The following ADAMTSL1 variants were observed in gnomAD, a reference collection of about 807,000 sequenced individuals.
The protein encoded by ADAMTSL1 is ADAMTS-like protein 1.
A neutral mutation model predicts 201.8 loss-of-function variants in ADAMTSL1; 126 were observed. That is an observed-to-expected ratio of 0.62 (90% CI 0.54 to 0.72). ADAMTSL1 has a LOEUF of 0.72. ADAMTSL1 is among the 30% of genes least tolerant of loss of function. The pLI, the probability that ADAMTSL1 is intolerant of heterozygous loss-of-function variation, is 0.00. For missense variants in ADAMTSL1, 2,679 were observed against 2,277.8 expected, an observed-to-expected ratio of 1.18 and a Z score of -3.59; for synonymous variants, 1,121 against 903.4, an observed-to-expected ratio of 1.24 and a Z score of -4.32.
chr9:17,940,816 A>C (rs1401687565), intron 1 of ADAMTSL1, among the ~76,000 whole-genome samples: 3 of 96,320 alleles, frequency 3.1e-5, no homozygotes, highest in Non-Finnish European at 6.9e-5. Context: ...CCCCCCCAAA[A>C]AAAAGAAAGA....
chr9:18,087,561 T>C (rs781245895), intron 1 of ADAMTSL1, among the ~76,000 whole-genome samples: 15 of 152,276 alleles, frequency 9.9e-5, no homozygotes, highest in Non-Finnish European at 2.1e-4. Context: ...CATGTGACTA[T>C]GTAATTTTGG....
At chr9:18,185,625 G>A (rs911445995) in intron 2 of ADAMTSL1, among the ~76,000 whole-genome samples, 6 of 152,084 alleles carry the variant, frequency 3.9e-5, no homozygotes, top group African/African-American at 7.2e-5. Context: ...TGATAGCAAC[G>A]AGAGAAGAGA....
intron 2 of ADAMTSL1, among the ~76,000 whole-genome samples, chr9:18,285,572 T>C (rs1025142617): frequency 6.6e-6 from 1 of 152,138 alleles, no homozygotes; most frequent in South Asian, 2.1e-4. Context: ...TATAACCTAC[T>C]TTCATTTCAA....
At chr9:18,376,530 G>A (rs1587008630) in intron 2 of ADAMTSL1, among the ~76,000 whole-genome samples, 1 of 152,054 alleles carries the variant, frequency 6.6e-6, no homozygotes, top group Non-Finnish European at 1.5e-5. Flanking sequence ...TAGGGCCCGG[G>A]GCGGTGGCTC....
chr9:18,290,907 A>G (rs1833232975), intron 2 of ADAMTSL1, among the ~76,000 whole-genome samples: 1 of 151,080 alleles, frequency 6.6e-6, no homozygotes, highest in Non-Finnish European at 1.5e-5. Context: ...TCAGCCTCCC[A>G]AGTAGCTGGG....
At position 18,840,151 on chromosome 9, in the gene ADAMTSL1, G is replaced by C. The variant is rs575816653; in HGVS notation, c.4249+10174G>C. ...ATGGTAATGCCTAGGTTTTCTTCTAGGGTTTTTATGGTTTTAGGTCTAACG... is the reference window on the plus strand; with the variant it reads ...ATGGTAATGCCTAGGTTTTCTTCTACGGTTTTTATGGTTTTAGGTCTAACG... On this transcript the variant is annotated intron_variant, in intron 23 of 28. Transcript: ENST00000380548. Among the ~76,000 whole-genome samples, 6 of 149,328 alleles carry C rather than the reference G, an allele frequency of 4.0e-5. No individual in the cohort carries two copies. The East Asian group carries it at 1.2e-3, about 29-fold the overall frequency.
intron 2 of ADAMTSL1, among the ~76,000 whole-genome samples, chr9:18,203,260 A>T (rs1003206611): frequency 2.0e-5 from 3 of 152,088 alleles, no homozygotes; most frequent in Non-Finnish European, 4.4e-5. Flanking sequence ...TGAGAGAACC[A>T]GGGACTATAT....
At chr9:18,564,006 T>C (rs1821714559) in intron 3 of ADAMTSL1, among the ~76,000 whole-genome samples, 1 of 152,130 alleles carries the variant, frequency 6.6e-6, no homozygotes, top group South Asian at 2.1e-4. Flanking sequence ...CGGTGCCCCT[T>C]TTCAGGGGAG....
At chr9:18,156,637 TACAC>T (rs56324477) in intron 1 of ADAMTSL1, among the ~76,000 whole-genome samples, 52,586 of 150,240 alleles carry the variant, frequency 0.35, 9,718 homozygotes, top group South Asian at 0.44. Context: ...CATAAACACA[TACAC>T]ACACACACAC....
intron 2 of ADAMTSL1, among the ~76,000 whole-genome samples, chr9:18,519,732 C>T (rs10810976): frequency 0.16 from 24,021 of 152,150 alleles, 2,615 homozygotes; most frequent in East Asian, 0.52. Context: ...ATACAAAAAG[C>T]GTGTTAACCA....
chr9:18,811,005 T>C (rs191001309), intron 20 of ADAMTSL1, among the ~76,000 whole-genome samples: 17 of 74,396 alleles, frequency 2.3e-4, no homozygotes, highest in African/African-American at 9.5e-4. Context: ...TAAACACCAA[T>C]GAGTACCAAA....
intron 2 of ADAMTSL1, among the ~76,000 whole-genome samples, chr9:18,250,200 C>T (rs1475021293): frequency 6.6e-6 from 1 of 152,190 alleles, no homozygotes; most frequent in Non-Finnish European, 1.5e-5. Context: ...TCATTCTATA[C>T]ATTTTTTCAA....
intron 2 of ADAMTSL1, among the ~76,000 whole-genome samples, chr9:18,285,724 A>G (rs1312221531): frequency 2.0e-5 from 3 of 152,130 alleles, no homozygotes; most frequent in East Asian, 3.9e-4. Flanking sequence ...TACTGTAGTC[A>G]AATATACCAC....
chr9:18,159,014 T>C (rs1272429010), intron 1 of ADAMTSL1, among the ~76,000 whole-genome samples: 1 of 152,056 alleles, frequency 6.6e-6, no homozygotes, highest in East Asian at 1.9e-4. Flanking sequence ...CATTAAACAT[T>C]TGCATGTTCT....
At chr9:18,327,585 T>C (rs190564908) in intron 2 of ADAMTSL1, among the ~76,000 whole-genome samples, 5 of 152,120 alleles carry the variant, frequency 3.3e-5, no homozygotes, top group African/African-American at 7.2e-5. Flanking sequence ...GGACTTGGGG[T>C]TTCTAAAGCC....
chr9:18,419,748 T>G (rs1223435613), intron 2 of ADAMTSL1, among the ~76,000 whole-genome samples: 5 of 151,084 alleles, frequency 3.3e-5, no homozygotes, highest in Non-Finnish European at 7.4e-5. Flanking sequence ...TTTTTTTTTT[T>G]TTGAGATGGA....
intron 1 of ADAMTSL1, among the ~76,000 whole-genome samples, chr9:18,118,539 C>T (rs1825361409): frequency 6.6e-6 from 1 of 152,090 alleles, no homozygotes; most frequent in Non-Finnish European, 1.5e-5. Context: ...AGAAGTGGGC[C>T]AACCAGCTTT....
At chr9:18,112,509 ATC>A (rs1825068550) in intron 1 of ADAMTSL1, among the ~76,000 whole-genome samples, 1 of 148,784 alleles carries the variant, frequency 6.7e-6, no homozygotes, top group South Asian at 2.1e-4. Context: ...CCTAGTTCTT[ATC>A]TCACTTTTCC....
rs1426066704 is a variant in ADAMTSL1, at chr9:18,721,726, C to T, written c.2006+61C>T. On this transcript the variant is annotated intron_variant, in intron 15 of 28. Transcript: ENST00000380548. The stretch of plus-strand genomic sequence containing the variant: ...CACGTACAGAACTGGGCGCATCTTT[C>T]AGTGGGCAAGACTGTAACACTTATT... The T allele has an allele frequency of 2.5e-6, 4 of 1,572,984 alleles. No homozygotes were observed. In the African/African-American group the frequency reaches 5.4e-5, roughly 21 times the overall value.
Sources: allele counts gnomAD v4.1 joint callset (sites outside exome capture counted in the v4.1 genomes callset), GRCh38; gene constraint gnomAD v4.1.1; transcripts MANE v1.5; gene names NCBI Gene and HGNC (gene_info 2026-07-23, HGNC 2026-07-21).